ACOT12: variants seen among roughly 807,000 people sequenced by gnomAD.
ACOT12 encodes the protein acetyl-coenzyme A thioesterase.
Under a neutral mutation model 67.7 loss-of-function variants are expected in ACOT12, and 51 were observed. The ratio of observed to expected loss-of-function variants is 0.75; its 90% CI spans 0.60 to 0.95. The LOEUF (loss-of-function observed/expected upper bound fraction) is 0.95, where lower values mean the gene tolerates loss of function less well. ACOT12 is among the 40% of genes least tolerant of loss of function. The probability of loss-of-function intolerance (pLI) is 0.00; values close to 1 mark genes in which losing one functional copy is unlikely to be tolerated. For synonymous variants in ACOT12, 251 were observed against 244.6 expected (o/e 1.03, Z -0.24); for missense variants, 734 against 708.1 (o/e 1.04, Z -0.41).
chr5:81,328,511 T>A (rs1253033631), downstream of ACOT12, among the ~76,000 whole-genome samples: 3 of 152,308 alleles, frequency 2.0e-5, no homozygotes, highest in Admixed American at 2.0e-4. Flanking sequence ...CTTAGTTAAT[T>A]TTGGCATTGT....
chr5:81,353,219 C>T (rs1007954621), intron 5 of ACOT12, among the ~76,000 whole-genome samples: 2 of 152,090 alleles, frequency 1.3e-5, no homozygotes, highest in Non-Finnish European at 2.9e-5. Flanking sequence ...AGCTATGATA[C>T]GTATGCAGAA....
chr5:81,393,988 C>A lies in ACOT12; in HGVS notation c.127G>T (p.Ala43Ser), dbSNP rs1215901696. 6.6e-6 allele frequency: 9 copies of A among 1,372,704 alleles called. No individual in the cohort carries two copies. The highest frequency in any genetic ancestry group is 3.1e-5 in the East Asian group (1 of 31,966). 85.0% of individuals were successfully genotyped at this position (1,372,704 alleles called of 1,614,324 possible). A position where few individuals can be genotyped will look rare whatever the true frequency, so the allele number is the denominator to read the frequency against. ...CCCCGCAGCCCCGGCGCCCGCCTAC[C>A]CGCCAGGCAGGCGGTGGTGTCGATC... ...KWIDTTACLA[A>S]EKHAGVSCVT... Residue 43 changes from alanine (A) to serine (S), a missense_variant and splice_region_variant, in exon 1 of 15, where the codon GCT becomes TCT. By Grantham distance (99) the Ala-to-Ser change is moderately conservative. Transcript: ENST00000307624.
intron 10 of ACOT12, among the ~76,000 whole-genome samples, 179 bp from the exon 11 acceptor site, chr5:81,342,934 C>T (rs148341352): frequency 1.1e-3 from 166 of 152,232 alleles, no homozygotes; most frequent in African/African-American, 2.1e-3. Flanking sequence ...GTAGTCCCAG[C>T]ACTTTGGGAG....
At chr5:81,362,558 C>T (rs183639867) in intron 4 of ACOT12, among the ~76,000 whole-genome samples, 11 of 152,262 alleles carry the variant, frequency 7.2e-5, no homozygotes, top group South Asian at 2.1e-4. Flanking sequence ...TGCTGCCCCT[C>T]GCAAAGGAAT....
chr5:81,394,130 G>C lies in ACOT12; in HGVS notation c.-16C>G. ...GCCGCTCCATGGCCAGGGCGAGAGC[G>C]CTACGCCTGCGGCCCCCGACACCCC... On this transcript the variant is annotated 5_prime_UTR_variant, in exon 1 of 15. Coordinates refer to ENST00000307624, the MANE Select transcript of ACOT12 (RefSeq NM_130767.3). 1 of 1,414,444 alleles carries C rather than the reference G, an allele frequency of 7.1e-7. No homozygotes were observed. Among genetic ancestry groups the C allele is most frequent in the Non-Finnish European group, 9.2e-7 (1 of 1,086,440 alleles). 87.6% of individuals were successfully genotyped at this position (1,414,444 alleles called of 1,614,324 possible).
intron 4 of ACOT12, among the ~76,000 whole-genome samples, chr5:81,362,163 C>CTTT (rs529301882): frequency 7.6e-6 from 1 of 131,638 alleles, no homozygotes; most frequent in Non-Finnish European, 1.6e-5. Context: ...CTATTATATT[C>CTTT]TTTTTTTTTT....
chr5:81,321,975 T>G, the ACOT12 span, among the ~76,000 whole-genome samples: 1 of 149,800 alleles, frequency 6.7e-6, no homozygotes, highest in African/African-American at 2.5e-5. Context: ...AACAGAACAC[T>G]GAACTGGAAG....
rs1257774623 is a variant in ACOT12 at position 81,375,319 on chromosome 5, C to T, written c.198-3509G>A. On this transcript the variant is annotated intron_variant, in intron 2 of 14. Coordinates refer to ENST00000307624, the MANE Select transcript of ACOT12 (RefSeq NM_130767.3). ...GAGACACTGTCACCCCCAGGGCTGC[C>T]TTACGAGAGCTCCTGAAGGAAGCAC... Among the ~76,000 whole-genome samples the T allele has an allele frequency of 2.0e-5, 3 of 152,236 alleles. No homozygotes were observed. In the East Asian group the frequency reaches 5.8e-4, roughly 29 times the overall value.
chr5:81,332,401 T>A (rs950848094), intron 13 of ACOT12, 76 bp downstream of exon 13: 1 of 1,505,246 alleles, frequency 6.6e-7, no homozygotes, highest in Non-Finnish European at 9.1e-7. Context: ...ACAGACTTCA[T>A]TATTTTCACA....
At position 81,380,346 on chromosome 5, in the gene ACOT12, C is replaced by T. The variant is rs1424225762; in HGVS notation, c.197+5411G>A. Among the ~76,000 whole-genome samples, 3 of 151,866 alleles carry T rather than the reference C, an allele frequency of 2.0e-5. No individual in the cohort carries two copies. The East Asian group carries it at 5.8e-4, about 29-fold the overall frequency. On this transcript the variant is annotated intron_variant, in intron 2 of 14. Transcript: ENST00000307624. ...TGGGAGGGTGAGGCAGGTGGATCACCTGAGGTCAGGAGTTTGAGACCAGCC... is the reference window on the plus strand; with the variant it reads ...TGGGAGGGTGAGGCAGGTGGATCACTTGAGGTCAGGAGTTTGAGACCAGCC...
At chr5:81,343,794 G>C (rs777011632) in intron 10 of ACOT12, 24 bp downstream of exon 10, 1 of 1,609,134 alleles carries the variant, frequency 6.2e-7, no homozygotes, top group Non-Finnish European at 8.5e-7. Flanking sequence ...TTTATATGAA[G>C]AGCTCCAAAT....
intron 3 of ACOT12, among the ~76,000 whole-genome samples, chr5:81,369,819 G>A (rs1561344285): frequency 6.6e-6 from 1 of 152,204 alleles, no homozygotes; most frequent in Non-Finnish European, 1.5e-5. Context: ...GTGGCCCTCA[G>A]GAGACAGGCC....
At chr5:81,354,267 C>T (rs1759640698) in intron 5 of ACOT12, among the ~76,000 whole-genome samples, 1 of 152,104 alleles carries the variant, frequency 6.6e-6, no homozygotes, top group African/African-American at 2.4e-5. Context: ...ATCTGGCCAA[C>T]TTTGTAACAC....
chr5:81,378,279 C>T (rs1196602480), intron 2 of ACOT12, among the ~76,000 whole-genome samples: 1 of 152,044 alleles, frequency 6.6e-6, no homozygotes, highest in Non-Finnish European at 1.5e-5. Flanking sequence ...AACTGGCTAG[C>T]CATATGCAGA....
Position 81,335,728 on chromosome 5 carries a change from G to T in ACOT12, c.1262+40C>A, listed in dbSNP as rs113587855. 5.0e-4 allele frequency: 795 copies of T among 1,594,934 alleles called. 6 individuals are homozygous for T. The African/African-American group carries it at 8.9e-3, about 18-fold the overall frequency. On this transcript the variant is annotated intron_variant, in intron 12 of 14. Transcript: ENST00000307624. ...GTATGGAGATCATCTTTTACATTATGTCAAGGTTGATTGAGAAAAATTTTT... is the reference window on the plus strand; with the variant it reads ...GTATGGAGATCATCTTTTACATTATTTCAAGGTTGATTGAGAAAAATTTTT...
At chr5:81,326,535 A>G (rs1435923282), downstream of ACOT12, among the ~76,000 whole-genome samples, 2 of 152,230 alleles carry the variant, frequency 1.3e-5, no homozygotes, top group African/African-American at 4.8e-5. Context: ...AGCAAGCAGC[A>G]TAAGTATCAG....
the ACOT12 span, among the ~76,000 whole-genome samples, chr5:81,318,874 C>T: frequency 6.6e-6 from 1 of 152,152 alleles, no homozygotes; most frequent in African/African-American, 2.4e-5. Flanking sequence ...AGAGGCTTTT[C>T]CAGAGAACTG....
intron 12 of ACOT12, among the ~76,000 whole-genome samples, chr5:81,332,851 G>A (rs1397267238): frequency 6.6e-6 from 1 of 151,950 alleles, no homozygotes; most frequent in African/African-American, 2.4e-5. Flanking sequence ...ATCACTTGAG[G>A]CCAGGAGTTC....
At chr5:81,337,714 C>T (rs964313664) in intron 11 of ACOT12, among the ~76,000 whole-genome samples, 1 of 152,154 alleles carries the variant, frequency 6.6e-6, no homozygotes, top group Non-Finnish European at 1.5e-5. Flanking sequence ...AAAGAAGCAA[C>T]CCTGCTGACA....
Sources: gnomAD v4.1 joint callset for allele counts (sites outside exome capture counted in the v4.1 genomes callset) on GRCh38, gnomAD v4.1.1 for gene constraint, MANE v1.5 for transcripts, NCBI Gene and HGNC (gene_info 2026-07-23, HGNC 2026-07-21) for gene names.